AGPS: variants seen among roughly 807,000 people sequenced by gnomAD.
The protein encoded by AGPS is alkyldihydroxyacetonephosphate synthase, peroxisomal.
A neutral mutation model predicts 90.7 loss-of-function variants in AGPS; 26 were observed. The observed-to-expected ratio is 0.29, with a 90% confidence interval of 0.21 to 0.40. The LOEUF (loss-of-function observed/expected upper bound fraction) is 0.40. Among genes scored for constraint, AGPS ranks in the 10% least tolerant of loss-of-function variants. The pLI is 1.00. For synonymous variants in AGPS, 294 were observed against 285.3 expected (o/e 1.03, Z -0.31); for missense variants, 540 against 816.1 (o/e 0.66, Z 4.12).
intron 17 of AGPS, among the ~76,000 whole-genome samples, chr2:177,517,302 T>C: frequency 6.6e-6 from 1 of 152,134 alleles, no homozygotes; most frequent in East Asian, 1.9e-4. Context: ...TGTATAAATA[T>C]TGAGTCATAG....
At chr2:177,397,652 G>A (rs1337299786) in intron 1 of AGPS, among the ~76,000 whole-genome samples, 2 of 152,076 alleles carry the variant, frequency 1.3e-5, no homozygotes, top group African/African-American at 4.8e-5. Context: ...AAATGTTCAG[G>A]TCAAAAGAAT....
intron 13 of AGPS, among the ~76,000 whole-genome samples, chr2:177,498,642 T>G (rs992996037): frequency 3.4e-4 from 51 of 151,368 alleles, no homozygotes; most frequent in African/African-American, 1.2e-3. Context: ...AAAAAAAAAG[T>G]CTTTATTACT....
intron 8 of AGPS, 70 bp downstream of exon 8, chr2:177,445,696 A>G: frequency 8.8e-7 from 1 of 1,134,586 alleles, no homozygotes; most frequent in South Asian, 1.6e-5. Flanking sequence ...TTATTTCTTT[A>G]ATGAAAGTTT....
chr2:177,435,837 G>A (rs897107658), intron 3 of AGPS, among the ~76,000 whole-genome samples: 20 of 152,072 alleles, frequency 1.3e-4, no homozygotes, highest in African/African-American at 4.6e-4. Flanking sequence ...ATGCTATTAG[G>A]TGCTTTTCAC....
At chr2:177,534,267 G>A (rs754409872) in intron 19 of AGPS, among the ~76,000 whole-genome samples, 13 of 151,988 alleles carry the variant, frequency 8.6e-5, no homozygotes, top group South Asian at 6.2e-4. Context: ...TATACCTTGC[G>A]TACATGTCTG....
chr2:177,527,870 TTC>T (rs2105738598), intron 19 of AGPS, among the ~76,000 whole-genome samples: 1 of 152,332 alleles, frequency 6.6e-6, no homozygotes, highest in African/African-American at 2.4e-5. Flanking sequence ...TCTATCCTAT[TTC>T]TTGTATTTTT....
chr2:177,409,628 C>T (rs570363692), intron 1 of AGPS, among the ~76,000 whole-genome samples: 10 of 152,174 alleles, frequency 6.6e-5, no homozygotes, highest in African/African-American at 2.2e-4. Context: ...GGCCGACGAC[C>T]GCTCTTAACT....
At position 177,437,136 on chromosome 2, in the gene AGPS, G is replaced by A. The variant is rs1686438869; in HGVS notation, c.637+82G>A. ...TAACATTGGAAATACGTACTTTTTGGCATATGAGTTGTAAAAAATATAAAT... is the reference window on the plus strand; with the variant it reads ...TAACATTGGAAATACGTACTTTTTGACATATGAGTTGTAAAAAATATAAAT... On this transcript the variant is annotated intron_variant, in intron 5 of 19. Coordinates refer to ENST00000264167, the MANE Select transcript of AGPS (RefSeq NM_003659.4). 3.8e-6 allele frequency: 5 copies of A among 1,308,000 alleles called. No homozygotes were observed. The Admixed American group carries it at 5.1e-5, about 13-fold the overall frequency. The allele number at this position is 1,308,000 out of a possible 1,614,324, so 81.0% of individuals were successfully genotyped here.
intron 13 of AGPS, among the ~76,000 whole-genome samples, chr2:177,499,228 T>C (rs1362558934): frequency 6.6e-6 from 1 of 151,840 alleles, no homozygotes; most frequent in East Asian, 1.9e-4. Flanking sequence ...TGTTAGTATG[T>C]AGGGATGTTG....
intron 11 of AGPS, among the ~76,000 whole-genome samples, chr2:177,492,411 C>T (rs1251713841): frequency 2.0e-5 from 3 of 152,010 alleles, no homozygotes; most frequent in African/African-American, 2.4e-5. Context: ...GATTTGTAAA[C>T]GTGAAGAAAA....
intron 14 of AGPS, 92 bp downstream of exon 14, chr2:177,499,822 T>A (rs2105712184): frequency 1.2e-6 from 1 of 828,438 alleles, no homozygotes; most frequent in Non-Finnish European, 2.1e-6. Context: ...GGCATTAATG[T>A]CTCCAAACAG....
intron 6 of AGPS, chr2:177,441,572 T>C (rs1309513146): frequency 6.5e-6 from 1 of 153,794 alleles, no homozygotes; most frequent in African/African-American, 2.4e-5. Context: ...ATCACAGGCA[T>C]CACGTTCTTA....
Position 177,482,119 on chromosome 2 carries a change from A to G in AGPS, c.1166A>G (p.Lys389Arg). The change falls in exon 11 of 20, where the codon AAG (lysine) becomes AGG (arginine). Residue 389 changes from lysine (K) to arginine (R), a missense_variant. By Grantham distance (26) the Lys-to-Arg change is conservative (BLOSUM62 2). Coordinates refer to ENST00000264167, the MANE Select transcript of AGPS (RefSeq NM_003659.4). ...ATCAGACCAGTCCCTGAATACCAAA[A>G]GTATGGCTCAGTAGCTTTCCCTAAT... ...IKIRPVPEYQ[K>R]YGSVAFPNFE... 1 of 1,606,560 alleles carries G rather than the reference A, an allele frequency of 6.2e-7. No individual in the cohort carries two copies. The highest frequency in any genetic ancestry group is 8.5e-7 in the Non-Finnish European group (1 of 1,175,118).
intron 19 of AGPS, among the ~76,000 whole-genome samples, chr2:177,532,561 T>C (rs1287246410): frequency 6.6e-6 from 1 of 152,180 alleles, no homozygotes; most frequent in Admixed American, 6.5e-5. Context: ...GGCAGTTTCT[T>C]ATGAAACTGA....
At chr2:177,496,015 A>G (rs1688404503) in intron 12 of AGPS, among the ~76,000 whole-genome samples, 1 of 152,010 alleles carries the variant, frequency 6.6e-6, no homozygotes, top group Admixed American at 6.6e-5. Flanking sequence ...AGTAAAAGAT[A>G]ATATTATCTA....
intron 9 of AGPS, among the ~76,000 whole-genome samples, chr2:177,466,021 CA>C (rs1479043954): frequency 3.3e-5 from 5 of 152,212 alleles, no homozygotes; most frequent in African/African-American, 1.2e-4. Flanking sequence ...AGTGACAAAA[CA>C]GCTCAGAGGA....
At chr2:177,532,724 G>A (rs2079149210) in intron 19 of AGPS, among the ~76,000 whole-genome samples, 1 of 152,158 alleles carries the variant, frequency 6.6e-6, no homozygotes, top group Non-Finnish European at 1.5e-5. Context: ...CAGCCCAGAT[G>A]TCCTTCAGCT....
intron 11 of AGPS, among the ~76,000 whole-genome samples, chr2:177,487,222 G>A (rs1688121760): frequency 1.3e-5 from 2 of 152,046 alleles, no homozygotes. Context: ...AAAAACTTAG[G>A]AGTAGTGCCC....
intron 2 of AGPS, among the ~76,000 whole-genome samples, chr2:177,422,602 C>T (rs1402017290): frequency 6.6e-6 from 1 of 152,148 alleles, no homozygotes; most frequent in Non-Finnish European, 1.5e-5. Context: ...TTTTGCCTTC[C>T]TTCAAGACTT....
Sources: gnomAD v4.1 joint callset for allele counts (sites outside exome capture counted in the v4.1 genomes callset) on GRCh38, gnomAD v4.1.1 for gene constraint, MANE v1.5 for transcripts, NCBI Gene and HGNC (gene_info 2026-07-23, HGNC 2026-07-21) for gene names.